Variants in STXBP4 observed in about 807,000 individuals in gnomAD.
STXBP4 encodes the protein syntaxin binding protein 4.
STXBP4 carries 55 observed loss-of-function variants against 76.1 expected under a neutral mutation model. That is an observed-to-expected ratio of 0.72 (90% CI 0.58 to 0.91). The LOEUF is 0.91. STXBP4 is among the 40% of genes least tolerant of loss of function. The pLI is 0.00. For missense variants in STXBP4, 618 were observed against 636.9 expected (o/e 0.97, Z 0.32); for synonymous variants, 201 against 220.2 (o/e 0.91, Z 0.77).
chr17:55,081,137 A>G lies in STXBP4; in HGVS notation c.1443A>G (p.Glu481=). ...GCATCCCAGCAACGCTGGCGCTTGA[A>G]TCTAAGGAACTTGTTAAATCTGTTC... ...GRSIPATLAL[E]SKELVKSVRA... Residue 481 remains glutamate (E), a synonymous_variant, in exon 16 of 18, where the codon GAA becomes GAG. Coordinates refer to ENST00000376352, the MANE Select transcript of STXBP4 (RefSeq NM_178509.6). The G allele has an allele frequency of 6.5e-7, 1 of 1,549,904 alleles. No individual in the cohort carries two copies. Among genetic ancestry groups the G allele is most frequent in the Non-Finnish European group, 8.7e-7 (1 of 1,153,026 alleles).
At chr17:55,073,917 C>T (rs1383543240) in intron 13 of STXBP4, among the ~76,000 whole-genome samples, 1 of 152,116 alleles carries the variant, frequency 6.6e-6, no homozygotes, top group Non-Finnish European at 1.5e-5. Flanking sequence ...GCATGAGCCA[C>T]CACGCCTGGA....
chr17:55,047,010 C>A, intron 11 of STXBP4, 79 bp from the exon 12 acceptor site: 1 of 743,658 alleles, frequency 1.3e-6, no homozygotes, highest in Non-Finnish European at 2.3e-6. Context: ...GGAATATAGG[C>A]CTTGAAACAA....
intron 16 of STXBP4, among the ~76,000 whole-genome samples, chr17:55,111,757 A>T (rs1398551273): frequency 1.3e-5 from 2 of 152,116 alleles, no homozygotes; most frequent in Non-Finnish European, 2.9e-5. Context: ...AGCCAATTAA[A>T]CTTTTTTCTT....
At chr17:55,085,865 A>G (rs1334745882) in intron 16 of STXBP4, among the ~76,000 whole-genome samples, 1 of 152,186 alleles carries the variant, frequency 6.6e-6, no homozygotes, top group Non-Finnish European at 1.5e-5. Flanking sequence ...TAAAAATCAA[A>G]TTATATATCA....
chr17:55,031,404 G>C (rs1488414951), intron 9 of STXBP4, 140 bp downstream of exon 9: 1 of 649,072 alleles, frequency 1.5e-6, no homozygotes, highest in Non-Finnish European at 2.5e-6. Flanking sequence ...TCCTTAATCA[G>C]TACCCAAAGA....
Position 55,167,991 on chromosome 17 carries a change from ATTTCTT to A in STXBP4, c.*8082_*8087del, listed in dbSNP as rs973276497. 2.2e-4 allele frequency: 33 copies of A among 152,278 alleles called. 1 individual carries two copies. The highest frequency in any genetic ancestry group is 1.5e-3 in the Admixed American group (23 of 15,306). The allele number at this position is 152,278 out of a possible 1,614,324, so 9.4% of individuals were successfully genotyped here. A position where few individuals can be genotyped will look rare whatever the true frequency, so the allele number is the denominator to read the frequency against. ...GAAAAGATGTTTATGAGCAGATTCT[ATTTCTT>A]TAGGCAGTTTTATCATTCAGAGAAG... On this transcript the variant is annotated 3_prime_UTR_variant, in exon 18 of 18. Coordinates refer to ENST00000376352, the MANE Select transcript of STXBP4 (RefSeq NM_178509.6).
At chr17:55,061,977 G>A (rs1306681333) in intron 12 of STXBP4, among the ~76,000 whole-genome samples, 1 of 152,108 alleles carries the variant, frequency 6.6e-6, no homozygotes, top group African/African-American at 2.4e-5. Context: ...ATACATGCCT[G>A]TAATCCCAGC....
chr17:55,095,061 ATAG>A (rs1307723859), intron 16 of STXBP4, among the ~76,000 whole-genome samples: 1 of 152,224 alleles, frequency 6.6e-6, no homozygotes, highest in African/African-American at 2.4e-5. Flanking sequence ...AGGCAGGAAT[ATAG>A]TAGTTGTCAA....
chr17:55,046,218 AC>A (rs1161463536), intron 11 of STXBP4, among the ~76,000 whole-genome samples: 1 of 152,006 alleles, frequency 6.6e-6, no homozygotes, highest in African/African-American at 2.4e-5. Context: ...ACTTCCCAGA[AC>A]ATAAAATCAC....
chr17:55,043,704 T>C (rs1411777354), intron 11 of STXBP4: 1 of 1,489,064 alleles, frequency 6.7e-7, no homozygotes, highest in African/African-American at 1.4e-5. Flanking sequence ...TTTTTTCATG[T>C]GCAGGGCTAT....
chr17:55,132,222 C>T (rs1459928897), intron 16 of STXBP4, among the ~76,000 whole-genome samples: 3 of 152,194 alleles, frequency 2.0e-5, no homozygotes, highest in Non-Finnish European at 4.4e-5. Flanking sequence ...GACGGAGTCT[C>T]GCTGTGTCCC....
chr17:55,072,793 A>G (rs921863039), intron 12 of STXBP4, 107 bp from the exon 13 acceptor site: 2 of 858,686 alleles, frequency 2.3e-6, no homozygotes, highest in Non-Finnish European at 3.4e-6. Flanking sequence ...ATATATGTAT[A>G]TTGACTTTTT....
chr17:55,088,860 C>T (rs2079373801), intron 16 of STXBP4, among the ~76,000 whole-genome samples: 1 of 152,126 alleles, frequency 6.6e-6, no homozygotes, highest in East Asian at 1.9e-4. Flanking sequence ...GAATGCTTTC[C>T]ACATCATTGC....
At chr17:55,139,051 A>C (rs1057501443) in intron 16 of STXBP4, among the ~76,000 whole-genome samples, 11 of 152,172 alleles carry the variant, frequency 7.2e-5, no homozygotes, top group Non-Finnish European at 1.3e-4. Flanking sequence ...AAAATAAGTT[A>C]TACATGTTAT....
the STXBP4 span, among the ~76,000 whole-genome samples, chr17:55,180,931 C>G: frequency 2.6e-5 from 4 of 152,204 alleles, no homozygotes; most frequent in Admixed American, 6.5e-5. Context: ...TATTCCAAGA[C>G]TTCATCCTAC....
chr17:55,133,153 G>A (rs968322038), intron 16 of STXBP4, among the ~76,000 whole-genome samples: 2 of 152,064 alleles, frequency 1.3e-5, no homozygotes, highest in African/African-American at 4.8e-5. Flanking sequence ...GTAAGGGATG[G>A]ACCAATTTAA....
At chr17:55,185,455 G>A in the STXBP4 span, among the ~76,000 whole-genome samples, 1 of 151,866 alleles carries the variant, frequency 6.6e-6, no homozygotes, top group Non-Finnish European at 1.5e-5. Context: ...GTGTACGTGT[G>A]TGTGTGTGCA....
chr17:55,092,964 ATTTT>A (rs767869034), intron 16 of STXBP4, among the ~76,000 whole-genome samples: 3 of 138,684 alleles, frequency 2.2e-5, no homozygotes, highest in African/African-American at 2.7e-5. Context: ...ACAAAAAAAC[ATTTT>A]TTTTGTTTTT....
At chr17:55,000,655 C>T (rs2077896032) in intron 6 of STXBP4, among the ~76,000 whole-genome samples, 153 bp from the exon 7 acceptor site, 1 of 152,062 alleles carries the variant, frequency 6.6e-6, no homozygotes, top group Admixed American at 6.6e-5. Flanking sequence ...TTCTGAATTG[C>T]TTTGTTTGAA....
Sources: gnomAD v4.1 joint callset for allele counts (sites outside exome capture counted in the v4.1 genomes callset) on GRCh38, gnomAD v4.1.1 for gene constraint, MANE v1.5 for transcripts, NCBI Gene and HGNC (gene_info 2026-07-23, HGNC 2026-07-21) for gene names.